The following CGNL1 variants were observed in gnomAD, a reference collection of about 807,000 sequenced individuals.
CGNL1 encodes the protein cingulin like 1, also known as cingulin-like protein 1.
Under a neutral mutation model 141.2 loss-of-function variants are expected in CGNL1, and 132 were observed. The ratio of observed to expected loss-of-function variants is 0.93; its 90% CI spans 0.81 to 1.08. The LOEUF is 1.08. Ranked by LOEUF, CGNL1 falls within the 50% of genes least tolerant of loss-of-function variation. The probability of loss-of-function intolerance (pLI) is 0.00; values close to 1 mark genes in which losing one functional copy is unlikely to be tolerated. For missense variants in CGNL1, 1,870 were observed against 1,588.6 expected (o/e 1.18, Z -3.01); for synonymous variants, 690 against 622.1 (o/e 1.11, Z -1.63).
chr15:57,544,326 C>A, intron 15 of CGNL1, 147 bp from the exon 16 acceptor site: 1 of 906,538 alleles, frequency 1.1e-6, no homozygotes, highest in Non-Finnish European at 1.6e-6. Flanking sequence ...TCTGTGTTCC[C>A]CAGGTCTCCA....
chr15:57,466,968 C>G (rs2063518200), intron 8 of CGNL1, among the ~76,000 whole-genome samples: 1 of 152,090 alleles, frequency 6.6e-6, no homozygotes, highest in African/African-American at 2.4e-5. Context: ...AGCAGTTATG[C>G]AACAAATATC....
chr15:57,390,974 C>T (rs2152230680), intron 1 of CGNL1, among the ~76,000 whole-genome samples: 1 of 152,136 alleles, frequency 6.6e-6, no homozygotes, highest in African/African-American at 2.4e-5. Flanking sequence ...CTGTAATAGT[C>T]AGTGACAGGT....
intron 7 of CGNL1, among the ~76,000 whole-genome samples, chr15:57,454,036 GATT>G (rs1195538625): frequency 6.6e-6 from 1 of 152,072 alleles, no homozygotes; most frequent in African/African-American, 2.4e-5. Context: ...CTCTTCTCTA[GATT>G]ATTATCTTGT....
intron 1 of CGNL1, among the ~76,000 whole-genome samples, chr15:57,408,848 T>C (rs1175575063): frequency 6.6e-6 from 1 of 152,124 alleles, no homozygotes; most frequent in South Asian, 2.1e-4. Context: ...GAGACCAGCC[T>C]GGCCAACATG....
At chr15:57,440,231 A>G in intron 2 of CGNL1, 146 bp from the exon 3 acceptor site, 1 of 625,392 alleles carries the variant, frequency 1.6e-6, no homozygotes, top group South Asian at 2.0e-5. Flanking sequence ...TGAGGCGAGG[A>G]GAAGTTAAGT....
At chr15:57,432,858 AT>A (rs1355697942) in intron 1 of CGNL1, among the ~76,000 whole-genome samples, 3 of 152,266 alleles carry the variant, frequency 2.0e-5, no homozygotes, top group Non-Finnish European at 4.4e-5. Flanking sequence ...AAATTTAAAT[AT>A]GTGGATTAAT....
intron 1 of CGNL1, among the ~76,000 whole-genome samples, chr15:57,391,022 A>C (rs1408086341): frequency 6.6e-6 from 1 of 152,190 alleles, no homozygotes; most frequent in African/African-American, 2.4e-5. Flanking sequence ...CCCAATCTTC[A>C]TAAGGATCCT....
intron 4 of CGNL1, among the ~76,000 whole-genome samples, chr15:57,450,224 C>G (rs1242645183): frequency 3.3e-5 from 5 of 151,994 alleles, no homozygotes; most frequent in Non-Finnish European, 2.9e-5. Context: ...TTTGGTGTTG[C>G]CAGTGTTTTG....
intron 5 of CGNL1, 146 bp from the exon 6 acceptor site, chr15:57,451,995 C>A: frequency 3.3e-6 from 2 of 614,890 alleles, no homozygotes; most frequent in South Asian, 3.2e-5. Context: ...TAGTTAAGAA[C>A]TCCTGTGCCT....
intron 12 of CGNL1, among the ~76,000 whole-genome samples, chr15:57,528,353 A>G (rs950982632): frequency 6.6e-6 from 1 of 152,238 alleles, no homozygotes; most frequent in Non-Finnish European, 1.5e-5. Flanking sequence ...TTGCAAATCA[A>G]TATTTGCTAA....
rs1354747520 is a variant in CGNL1 at position 57,530,200 on chromosome 15, CT to C, written c.3201+1389del. 1.1e-4 allele frequency among the ~76,000 whole-genome samples: 16 copies of C among 152,224 alleles called. No homozygotes were observed. In the East Asian group the frequency reaches 3.1e-3, roughly 29 times the overall value. ...AAGAAGACAGTCTTATAAAGAGGTG[CT>C]TTTAGCTGGTGATTGGGTTGTTAGG... On this transcript the variant is annotated intron_variant, in intron 13 of 18. Coordinates refer to ENST00000281282, the MANE Select transcript of CGNL1 (RefSeq NM_032866.5).
intron 8 of CGNL1, among the ~76,000 whole-genome samples, chr15:57,464,155 T>A (rs1204533863): frequency 6.6e-6 from 1 of 150,840 alleles, no homozygotes. Flanking sequence ...AAGCACTGAG[T>A]CTGTTATTGG....
chr15:57,389,508 G>A (rs927124005), intron 1 of CGNL1, among the ~76,000 whole-genome samples: 1 of 152,138 alleles, frequency 6.6e-6, no homozygotes, highest in African/African-American at 2.4e-5. Context: ...CTTCCCTCTC[G>A]CCCAATAGGA....
In CGNL1 at chr15:57,442,465, A is replaced by G. The variant is rs1288877364; in HGVS notation, c.1790A>G (p.Gln597Arg). The change falls in exon 4 of 19, where the codon CAA (glutamine) becomes CGA (arginine). Residue 597 changes from glutamine (Q) to arginine (R), a missense_variant. Physicochemically the swap from Gln to Arg is conservative, Grantham distance 43 (BLOSUM62 1). Transcript: ENST00000281282. ...TLKSRAAGSA[Q>R]GNNQACNSTS... The stretch of plus-strand genomic sequence containing the variant: ...AAGTCTCGAGCAGCTGGGAGCGCCC[A>G]AGGAAATAACCAAGTAAATGGAAGT... 3 of 1,608,770 alleles carry G rather than the reference A, an allele frequency of 1.9e-6. No individual in the cohort carries two copies. The highest frequency in any genetic ancestry group is 2.6e-6 in the Non-Finnish European group (3 of 1,175,310).
chr15:57,442,182 G>GGAAAAAAAAAAAAAAAA lies in CGNL1; in HGVS notation c.1698-191_1698-190insGAAAAAAAAAAAAAAAA, dbSNP rs1491455852. ...TTGAGTGGTAACACATCATTTATTT[G>GGAAAAAAAAAAAAAAAA]AAAAAAAAAAAAAAAAAAAAAGACA... On this transcript the variant is annotated intron_variant, in intron 3 of 18. Transcript: ENST00000281282. Among the ~76,000 whole-genome samples, 38 of 96,492 alleles carry GGAAAAAAAAAAAAAAAA rather than the reference G, an allele frequency of 3.9e-4. 3 individuals carry two copies. Among genetic ancestry groups the GGAAAAAAAAAAAAAAAA allele is most frequent in the East Asian group, 2.8e-3 (8 of 2,808 alleles). 63.3% of individuals were successfully genotyped at this position (96,492 alleles called of 152,430 possible). A position where few individuals can be genotyped will look rare whatever the true frequency, so the allele number is the denominator to read the frequency against.
intron 8 of CGNL1, among the ~76,000 whole-genome samples, chr15:57,512,156 C>A (rs1002816755): frequency 6.6e-6 from 1 of 152,176 alleles, no homozygotes; most frequent in Non-Finnish European, 1.5e-5. Flanking sequence ...TAGATCCAAG[C>A]ATCAGATCAC....
At chr15:57,533,446 G>A (rs960277907) in intron 14 of CGNL1, among the ~76,000 whole-genome samples, 7 of 152,260 alleles carry the variant, frequency 4.6e-5, no homozygotes, top group African/African-American at 1.7e-4. Context: ...GCTAAGTAGC[G>A]ACGTTCCCCC....
chr15:57,438,252 C>G lies in CGNL1; in HGVS notation c.253C>G (p.Pro85Ala), dbSNP rs759947371. ...PFPPPVINNL[P>A]LHSSNGSVPK... ...TCCACCTCCAGTGATAAATAACCTGCCTCTACATTCCAGCAATGGTTCTGT... is the reference window on the plus strand; with the variant it reads ...TCCACCTCCAGTGATAAATAACCTGGCTCTACATTCCAGCAATGGTTCTGT... Residue 85 changes from proline (P) to alanine (A), a missense_variant, in exon 2 of 19, where the codon CCT (proline) becomes GCT (alanine). Pro to Ala is a conservative substitution (Grantham distance 27). Coordinates refer to ENST00000281282, the MANE Select transcript of CGNL1 (RefSeq NM_032866.5). 23 of 1,614,174 alleles carry G rather than the reference C, an allele frequency of 1.4e-5. No individual in the cohort carries two copies. The highest frequency in any genetic ancestry group is 1.9e-5 in the Non-Finnish European group (23 of 1,180,046).
chr15:57,468,458 C>A (rs1444458916), intron 8 of CGNL1, among the ~76,000 whole-genome samples: 1 of 151,864 alleles, frequency 6.6e-6, no homozygotes, highest in Non-Finnish European at 1.5e-5. Context: ...TCTTGAACTC[C>A]TGAGCTCAGG....
Sources: allele counts gnomAD v4.1 joint callset (sites outside exome capture counted in the v4.1 genomes callset), GRCh38; gene constraint gnomAD v4.1.1; transcripts MANE v1.5; gene names NCBI Gene and HGNC (gene_info 2026-07-23, HGNC 2026-07-21).